The following INSL6 variants were observed in gnomAD, a reference collection of about 807,000 sequenced individuals.
The protein encoded by INSL6 is insulin like 6.
INSL6 carries 16 observed loss-of-function variants against 9.4 expected under a neutral mutation model. The observed-to-expected ratio is 1.70, with a 90% confidence interval of 1.15 to 2.59. INSL6 has a LOEUF of 2.59. Ranked by LOEUF, INSL6 falls within the 30% of genes most tolerant of loss-of-function variation. INSL6 has a pLI of 0.00. For missense variants in INSL6, 391 were observed against 257.3 expected (o/e 1.52, Z -3.56); for synonymous variants, 154 against 96.9 (o/e 1.59, Z -3.46).
At chr9:5,106,686 T>A in the INSL6 span, among the ~76,000 whole-genome samples, 2 of 152,074 alleles carry the variant, frequency 1.3e-5, no homozygotes, top group Non-Finnish European at 2.9e-5. Flanking sequence ...TAAGAAAATA[T>A]GCCACAAATA....
chr9:5,045,642 A>G, the INSL6 span, among the ~76,000 whole-genome samples: 2 of 152,098 alleles, frequency 1.3e-5, no homozygotes, highest in Non-Finnish European at 2.9e-5. Context: ...TTTTCTATGT[A>G]CCTCATACAA....
At chr9:4,996,538 T>C in the INSL6 span, among the ~76,000 whole-genome samples, 1 of 152,138 alleles carries the variant, frequency 6.6e-6, no homozygotes, top group African/African-American at 2.4e-5. Context: ...ATTTATTTTT[T>C]TAAATACATG....
chr9:5,023,288 C>T, the INSL6 span, among the ~76,000 whole-genome samples: 2 of 152,276 alleles, frequency 1.3e-5, no homozygotes, highest in South Asian at 4.2e-4. Flanking sequence ...TTATTTCACT[C>T]GACATAATGA....
At chr9:5,080,999 C>T in the INSL6 span, among the ~76,000 whole-genome samples, 7 of 150,112 alleles carry the variant, frequency 4.7e-5, no homozygotes, top group South Asian at 4.2e-4. Flanking sequence ...AGGTTCACGC[C>T]ATTCTCCTGC....
At chr9:5,159,628 G>A (rs998021684), downstream of INSL6, among the ~76,000 whole-genome samples, 9 of 152,230 alleles carry the variant, frequency 5.9e-5, no homozygotes, top group African/African-American at 1.9e-4. Context: ...CGCATTCAAC[G>A]CTGGAGCACC....
the INSL6 span, among the ~76,000 whole-genome samples, chr9:5,071,293 C>G: frequency 6.6e-6 from 1 of 152,012 alleles, no homozygotes; most frequent in South Asian, 2.1e-4. Flanking sequence ...TAGAAACATA[C>G]AAGGAAATAA....
chr9:5,042,981 G>T, the INSL6 span, among the ~76,000 whole-genome samples: 2 of 151,940 alleles, frequency 1.3e-5, no homozygotes, highest in South Asian at 2.1e-4. Flanking sequence ...ACCCTCAGAA[G>T]CTGAGGGGGG....
chr9:5,107,105 T>C, the INSL6 span, among the ~76,000 whole-genome samples: 1 of 152,182 alleles, frequency 6.6e-6, no homozygotes, highest in African/African-American at 2.4e-5. Flanking sequence ...TGACACTTTG[T>C]AGATGTAGTA....
the INSL6 span, among the ~76,000 whole-genome samples, chr9:5,075,794 T>C: frequency 2.0e-5 from 3 of 152,144 alleles, no homozygotes; most frequent in African/African-American, 2.4e-5. Flanking sequence ...AAGAAATACA[T>C]TTTGTAAGGC....
At chr9:5,020,321 G>C in the INSL6 span, among the ~76,000 whole-genome samples, 2 of 152,174 alleles carry the variant, frequency 1.3e-5, no homozygotes, top group East Asian at 3.9e-4. Flanking sequence ...GGACAAACTG[G>C]TGCGATCCCA....
chr9:5,040,750 G>A, the INSL6 span, among the ~76,000 whole-genome samples: 2 of 152,248 alleles, frequency 1.3e-5, no homozygotes, highest in African/African-American at 4.8e-5. Context: ...GTCCGGGACC[G>A]TGGTGTGCCA....
At chr9:5,007,565 G>C in the INSL6 span, among the ~76,000 whole-genome samples, 4 of 151,932 alleles carry the variant, frequency 2.6e-5, no homozygotes, top group Non-Finnish European at 4.4e-5. Flanking sequence ...AAAATATTAA[G>C]TAATCATTGA....
chr9:5,035,624 G>A, the INSL6 span, among the ~76,000 whole-genome samples: 4 of 152,110 alleles, frequency 2.6e-5, no homozygotes, highest in African/African-American at 7.2e-5. Flanking sequence ...CAGAACTAAC[G>A]GCAAAAACCA....
chr9:5,140,160 A>C (rs1170929917), intron 2 of INSL6, among the ~76,000 whole-genome samples: 2 of 152,296 alleles, frequency 1.3e-5, no homozygotes, highest in East Asian at 3.9e-4. Context: ...AAGTCAAATC[A>C]ATAACCTGGG....
At chr9:5,084,838 T>A in the INSL6 span, among the ~76,000 whole-genome samples, 2 of 152,018 alleles carry the variant, frequency 1.3e-5, no homozygotes, top group Non-Finnish European at 2.9e-5. Context: ...TAAAAAGTTT[T>A]CTGAAAAAAC....
the INSL6 span, chr9:5,097,171 A>T: frequency 0.35 from 52,662 of 151,874 alleles, 9,655 homozygotes; most frequent in African/African-American, 0.48. Flanking sequence ...ATTATTAACA[A>T]AAAGCCCCCA....
chr9:4,998,909 C>T, the INSL6 span, among the ~76,000 whole-genome samples: 2 of 152,034 alleles, frequency 1.3e-5, no homozygotes, highest in African/African-American at 4.8e-5. Flanking sequence ...GCAAGCTCCG[C>T]CTCCCGGGTT....
chr9:5,184,503 G>A (rs920452158), intron 1 of INSL6, among the ~76,000 whole-genome samples: 1 of 152,128 alleles, frequency 6.6e-6, no homozygotes, highest in Non-Finnish European at 1.5e-5. Flanking sequence ...TAAATTCAGC[G>A]CATATTAAAC....
At chr9:5,040,593 T>C in the INSL6 span, among the ~76,000 whole-genome samples, 2 of 152,230 alleles carry the variant, frequency 1.3e-5, no homozygotes, top group Non-Finnish European at 2.9e-5. Context: ...CTCCAGAATA[T>C]AAAAGAATTC....
Sources: gnomAD v4.1 joint callset for allele counts (sites outside exome capture counted in the v4.1 genomes callset) on GRCh38, gnomAD v4.1.1 for gene constraint, MANE v1.5 for transcripts, NCBI Gene and HGNC (gene_info 2026-07-23, HGNC 2026-07-21) for gene names.